CFTR: variants seen among roughly 807,000 people sequenced by gnomAD.
CFTR encodes the protein cystic fibrosis transmembrane conductance regulator.
CFTR carries 181 observed loss-of-function variants against 171.6 expected under a neutral mutation model. The observed-to-expected ratio is 1.05, with a 90% CI of 0.93 to 1.19. CFTR has a LOEUF of 1.19. Ranked by LOEUF, CFTR falls within the 50% of genes most tolerant of loss-of-function variation. CFTR has a pLI of 0.00. For synonymous variants in CFTR, 583 were observed against 608.0 expected, an observed-to-expected ratio of 0.96 and a Z score of 0.60; for missense variants, 1,968 against 1,734.7, an observed-to-expected ratio of 1.13 and a Z score of -2.39.
At chr7:117,493,539 A>C (rs1798193827) in intron 1 of CFTR, among the ~76,000 whole-genome samples, 1 of 152,006 alleles carries the variant, frequency 6.6e-6, no homozygotes, top group Non-Finnish European at 1.5e-5. Context: ...GATGCTGTCC[A>C]ATCCTGCCTC....
At chr7:117,651,016 T>G (rs1421793977) in intron 23 of CFTR, among the ~76,000 whole-genome samples, 1 of 152,146 alleles carries the variant, frequency 6.6e-6, no homozygotes, top group Non-Finnish European at 1.5e-5. Flanking sequence ...GTCACTTACC[T>G]TCTCCAACCT....
chr7:117,635,032 A>G (rs897692351), intron 22 of CFTR, among the ~76,000 whole-genome samples: 1 of 152,118 alleles, frequency 6.6e-6, no homozygotes, highest in Non-Finnish European at 1.5e-5. Flanking sequence ...AGATCTGTCC[A>G]TTCTTTGCAG....
In CFTR at chr7:117,500,073, A is replaced by G. The variant is rs145686078; in HGVS notation, c.54-4180A>G. Among the ~76,000 whole-genome samples the G allele has an allele frequency of 9.6e-3, 1,462 of 152,220 alleles. 7 individuals are homozygous for G. The highest frequency in any genetic ancestry group is 0.017 in the Middle Eastern group (5 of 294). On this transcript the variant is annotated intron_variant, in intron 1 of 26. Transcript: ENST00000003084. Reference sequence around the variant, plus strand: ...ATGATCACTGATTTCTAGTGGAAGAAATGCTGAAAAGTCCTTACTGTGCAT... The same window carrying G: ...ATGATCACTGATTTCTAGTGGAAGAGATGCTGAAAAGTCCTTACTGTGCAT...
intron 24 of CFTR, 42 bp downstream of exon 24, chr7:117,652,973 T>TA: frequency 1.7e-6 from 2 of 1,159,800 alleles, no homozygotes; most frequent in East Asian, 4.7e-5. Context: ...GGGTAACTCA[T>TA]ACCAACACAA....
intron 11 of CFTR, among the ~76,000 whole-genome samples, chr7:117,560,259 A>C (rs1397757559): frequency 6.6e-6 from 1 of 152,110 alleles, no homozygotes; most frequent in Admixed American, 6.5e-5. Flanking sequence ...AGAATGAGCT[A>C]ATTATCTGAA....
At chr7:117,512,149 A>C (rs1436213544) in intron 3 of CFTR, among the ~76,000 whole-genome samples, 2 of 152,150 alleles carry the variant, frequency 1.3e-5, no homozygotes, top group Non-Finnish European at 2.9e-5. Context: ...AAGTACTATA[A>C]AATTTGCTGT....
intron 11 of CFTR, among the ~76,000 whole-genome samples, chr7:117,584,381 T>C (rs903824175): frequency 1.3e-5 from 2 of 152,194 alleles, no homozygotes; most frequent in African/African-American, 4.8e-5. Context: ...GTTTCATTCT[T>C]CTACGTGTGG....
chr7:117,507,151 T>C (rs6957317), intron 2 of CFTR, among the ~76,000 whole-genome samples: 35,881 of 152,110 alleles, frequency 0.24, 4,519 homozygotes, highest in East Asian at 0.42. Context: ...CTGGGCCTGG[T>C]ATGTGGTCCT....
intron 15 of CFTR, among the ~76,000 whole-genome samples, chr7:117,595,523 G>T (rs898867494): frequency 1.3e-3 from 193 of 151,176 alleles, no homozygotes; most frequent in African/African-American, 4.4e-3. Context: ...AAAGATAAGA[G>T]TTTTTAATAG....
chr7:117,533,605 C>A lies in CFTR; in HGVS notation c.490-671C>A, dbSNP rs1798898997. 2.0e-5 allele frequency among the ~76,000 whole-genome samples: 3 copies of A among 152,056 alleles called. No individual in the cohort carries two copies. The South Asian group carries it at 6.2e-4, about 32-fold the overall frequency. On this transcript the variant is annotated intron_variant, in intron 4 of 26. Transcript: ENST00000003084. ...ATTCCCAGTCAAAGTGATCTAATAG[C>A]AAATCAATTCTTCAGTTTTATAGGC...
intron 3 of CFTR, among the ~76,000 whole-genome samples, chr7:117,519,142 T>C (rs1417156030): frequency 2.0e-5 from 3 of 152,120 alleles, no homozygotes; most frequent in Non-Finnish European, 4.4e-5. Context: ...AAAAGAAAGG[T>C]AGATTTTTTT....
At position 117,606,728 on chromosome 7, in the gene CFTR, C is replaced by T. The variant is rs1792306616; in HGVS notation, c.2963C>T (p.Pro988Leu). Residue 988 changes from proline to leucine, a missense_variant, in exon 18 of 27, where the codon CCT becomes CTT. Transcript: ENST00000003084. ...ATAGCAATTTTGGATGACCTTCTGC[C>T]TCTTACCATATTTGACTTCATCCAG... ...KDIAILDDLL[P>L]LTIFDFIQLL... is the part of the protein sequence containing the mutation. 2 of 1,587,492 alleles carry T rather than the reference C, an allele frequency of 1.3e-6. No individual in the cohort carries two copies. Among genetic ancestry groups the T allele is most frequent in the Non-Finnish European group, 1.7e-6 (2 of 1,156,272 alleles).
chr7:117,546,275 A>T (rs889687002), intron 9 of CFTR, among the ~76,000 whole-genome samples: 54 of 152,096 alleles, frequency 3.6e-4, no homozygotes, highest in Non-Finnish European at 4.4e-4. Context: ...TACAGGTGTG[A>T]GCCACCACGC....
intron 4 of CFTR, among the ~76,000 whole-genome samples, chr7:117,531,596 TCCTATGAG>T (rs1409680814): frequency 6.6e-6 from 1 of 152,160 alleles, no homozygotes; most frequent in Non-Finnish European, 1.5e-5. Flanking sequence ...ATTTTTATCA[TCCTATGAG>T]CCCTACAAAT....
intron 23 of CFTR, among the ~76,000 whole-genome samples, chr7:117,649,510 TATATATA>T (rs1208899951): frequency 1.5e-5 from 2 of 133,964 alleles, no homozygotes; most frequent in African/African-American, 5.7e-5. Context: ...TATATATATA[TATATATA>T]TATTTTTTTT....
intron 1 of CFTR, among the ~76,000 whole-genome samples, chr7:117,503,326 A>G (rs1481249987): frequency 6.6e-6 from 1 of 152,160 alleles, no homozygotes; most frequent in Non-Finnish European, 1.5e-5. Flanking sequence ...GGACTCACTA[A>G]ATCCCAGTTC....
intron 20 of CFTR, 129 bp from the exon 21 acceptor site, chr7:117,614,484 T>G: frequency 5.6e-6 from 4 of 710,230 alleles, no homozygotes; most frequent in Middle Eastern, 2.4e-4. Flanking sequence ...GATTTAAAAA[T>G]TGTTAAAATT....
At chr7:117,603,898 G>C in intron 17 of CFTR, 116 bp downstream of exon 17, 1 of 1,088,018 alleles carries the variant, frequency 9.2e-7, no homozygotes, top group South Asian at 1.3e-5. Flanking sequence ...GCCCTTTGTT[G>C]AACCTCCATT....
In CFTR at chr7:117,664,732, C is replaced by T. The variant is rs1793340452; in HGVS notation, c.4008C>T (p.Asp1336=). Residue 1336 remains aspartate, a synonymous_variant, in exon 25 of 27, where the codon GAC becomes GAT. Coordinates refer to ENST00000003084, the MANE Select transcript of CFTR (RefSeq NM_000492.4). Reference sequence around the variant, plus strand: ...TAGAACAGTTTCCTGGGAAGCTTGACTTTGTCCTTGTGGATGGGGGCTGTG... The same window carrying T: ...TAGAACAGTTTCCTGGGAAGCTTGATTTTGTCCTTGTGGATGGGGGCTGTG... ...SVIEQFPGKL[D]FVLVDGGCVL... is the part of the protein sequence containing the mutation. 6.2e-7 allele frequency: 1 copy of T among 1,614,008 alleles called. No homozygotes were observed. The highest frequency in any genetic ancestry group is 8.5e-7 in the Non-Finnish European group (1 of 1,179,910).
Sources: allele counts gnomAD v4.1 joint callset (sites outside exome capture counted in the v4.1 genomes callset), GRCh38; gene constraint gnomAD v4.1.1; transcripts MANE v1.5; gene names NCBI Gene and HGNC (gene_info 2026-07-23, HGNC 2026-07-21).